Variants in BANK1 observed in about 807,000 individuals in gnomAD.
The protein encoded by BANK1 is B cell scaffold protein with ankyrin repeats 1, also known as B-cell scaffold protein with ankyrin repeats.
A neutral mutation model predicts 94.5 loss-of-function variants in BANK1; 95 were observed. The ratio of observed to expected loss-of-function variants is 1.00; its 90% confidence interval spans 0.85 to 1.19. The LOEUF (loss-of-function observed/expected upper bound fraction) is 1.19. Ranked by LOEUF, BANK1 falls within the 50% of genes most tolerant of loss-of-function variation. BANK1 has a pLI of 0.00. For synonymous variants in BANK1, 334 were observed against 308.4 expected (o/e 1.08, Z -0.87); for missense variants, 987 against 932.2 (o/e 1.06, Z -0.77).
At chr4:102,037,961 T>C (rs533889832) in intron 10 of BANK1, among the ~76,000 whole-genome samples, 1 of 152,308 alleles carries the variant, frequency 6.6e-6, no homozygotes, top group Non-Finnish European at 1.5e-5. Flanking sequence ...GCATGACTTT[T>C]TCAAAGTATT....
Position 101,986,819 on chromosome 4 carries a change from ATG to A in BANK1, c.1207-34691_1207-34690del, listed in dbSNP as rs1164994078. Among the ~76,000 whole-genome samples, 68 of 136,650 alleles carry A rather than the reference ATG, an allele frequency of 5.0e-4. No individual in the cohort carries two copies. The East Asian group carries it at 0.013, about 27-fold the overall frequency. 89.6% of individuals were successfully genotyped at this position (136,650 alleles called of 152,430 possible). ...TATATGTGTATATATATGTATATAT[ATG>A]TGTATATATATGTATATATATGTGT... On this transcript the variant is annotated intron_variant, in intron 7 of 16. Transcript: ENST00000322953.
At chr4:101,866,179 T>C (rs1375111339) in intron 4 of BANK1, among the ~76,000 whole-genome samples, 1 of 152,166 alleles carries the variant, frequency 6.6e-6, no homozygotes, top group Non-Finnish European at 1.5e-5. Flanking sequence ...CAGGAAATTC[T>C]AGAAATCAAA....
At position 101,976,104 on chromosome 4, in the gene BANK1, A is replaced by C. The variant is rs185995607; in HGVS notation, c.1207-45410A>C. Among the ~76,000 whole-genome samples the C allele has an allele frequency of 9.7e-4, 148 of 152,288 alleles. 1 individual carries two copies. The highest frequency in any genetic ancestry group is 3.4e-3 in the African/African-American group (140 of 41,588). ...AACTAGCGCTGAAAGGCATTTAAAG[A>C]AACATCTCAGGTTTCCAGTTTGTCC... On this transcript the variant is annotated intron_variant, in intron 7 of 16. Coordinates refer to ENST00000322953, the MANE Select transcript of BANK1 (RefSeq NM_017935.5).
chr4:102,034,645 GCTT>G (rs1402238045), intron 10 of BANK1, among the ~76,000 whole-genome samples: 1 of 152,146 alleles, frequency 6.6e-6, no homozygotes, highest in Non-Finnish European at 1.5e-5. Flanking sequence ...GAACAAGTTG[GCTT>G]AGTCATCTTC....
chr4:101,965,183 C>T (rs953546014), intron 7 of BANK1, among the ~76,000 whole-genome samples: 3 of 151,854 alleles, frequency 2.0e-5, no homozygotes, highest in African/African-American at 4.8e-5. Context: ...ATTCCTATGT[C>T]TAATATTTGA....
chr4:101,915,914 CAG>C (rs1722812963), intron 6 of BANK1, among the ~76,000 whole-genome samples: 1 of 151,954 alleles, frequency 6.6e-6, no homozygotes, highest in African/African-American at 2.4e-5. Flanking sequence ...GTTCTCCTGT[CAG>C]AGAGCAAAAG....
At chr4:101,924,137 T>C (rs1723083098) in intron 7 of BANK1, among the ~76,000 whole-genome samples, 1 of 151,782 alleles carries the variant, frequency 6.6e-6, no homozygotes, top group African/African-American at 2.4e-5. Context: ...ATTTCCCAAA[T>C]TAATTTTATG....
chr4:101,958,029 G>C (rs1292707461), intron 7 of BANK1, among the ~76,000 whole-genome samples: 3 of 146,010 alleles, frequency 2.1e-5, no homozygotes, highest in Non-Finnish European at 4.6e-5. Flanking sequence ...TGTATTTTTA[G>C]TAGAGACAGG....
chr4:102,054,947 CT>C (rs568576245), intron 11 of BANK1, among the ~76,000 whole-genome samples: 2 of 151,860 alleles, frequency 1.3e-5, no homozygotes, highest in Non-Finnish European at 2.9e-5. Flanking sequence ...CTTGCACCTG[CT>C]TTTTTTCAAT....
intron 6 of BANK1, among the ~76,000 whole-genome samples, chr4:101,906,887 C>G (rs1560626746): frequency 6.6e-6 from 1 of 152,130 alleles, no homozygotes; most frequent in South Asian, 2.1e-4. Flanking sequence ...GAGACCCTAA[C>G]CCAGTGGCAC....
At chr4:101,791,175 G>A (rs112014257) in intron 1 of BANK1, among the ~76,000 whole-genome samples, 4 of 148,302 alleles carry the variant, frequency 2.7e-5, no homozygotes, top group African/African-American at 9.7e-5. Flanking sequence ...CGCGCTGGGA[G>A]TTCTGGCCAG....
At chr4:101,822,764 C>T (rs997331639) in intron 1 of BANK1, among the ~76,000 whole-genome samples, 9 of 151,954 alleles carry the variant, frequency 5.9e-5, no homozygotes, top group Middle Eastern at 3.4e-3. Flanking sequence ...TACAGGTGTC[C>T]GCCACCACGC....
chr4:101,857,770 TA>T (rs1343228378), intron 3 of BANK1, among the ~76,000 whole-genome samples: 1 of 152,250 alleles, frequency 6.6e-6, no homozygotes, highest in Non-Finnish European at 1.5e-5. Flanking sequence ...GTAAGTTAAT[TA>T]TCTGTGTCTT....
chr4:101,888,447 A>G (rs921726240), intron 5 of BANK1, among the ~76,000 whole-genome samples: 15 of 152,290 alleles, frequency 9.8e-5, no homozygotes, highest in African/African-American at 3.6e-4. Flanking sequence ...AAACATCAGT[A>G]TAATGTTGGG....
chr4:101,906,195 G>A (rs1722442427), intron 6 of BANK1, among the ~76,000 whole-genome samples: 1 of 152,254 alleles, frequency 6.6e-6, no homozygotes, highest in South Asian at 2.1e-4. Context: ...CCAGTCAGTA[G>A]GAATCATCCA....
intron 5 of BANK1, among the ~76,000 whole-genome samples, chr4:101,886,561 G>A (rs573913517): frequency 6.6e-6 from 1 of 152,090 alleles, no homozygotes; most frequent in African/African-American, 2.4e-5. Context: ...TTAACAGTAC[G>A]TTGTTACAAA....
At chr4:101,957,086 G>A (rs1415891624) in intron 7 of BANK1, among the ~76,000 whole-genome samples, 1 of 152,086 alleles carries the variant, frequency 6.6e-6, no homozygotes, top group African/African-American at 2.4e-5. Context: ...TCAGTTATAA[G>A]CTTAATTTCA....
At chr4:102,001,524 C>T (rs1470773735) in intron 7 of BANK1, among the ~76,000 whole-genome samples, 5 of 152,226 alleles carry the variant, frequency 3.3e-5, no homozygotes, top group East Asian at 3.9e-4. Flanking sequence ...TGCTTGAACC[C>T]GGGAGGCGGA....
intron 13 of BANK1, among the ~76,000 whole-genome samples, chr4:102,066,775 T>C (rs1445857135): frequency 6.6e-6 from 1 of 152,170 alleles, no homozygotes; most frequent in African/African-American, 2.4e-5. Flanking sequence ...AATACTGAAA[T>C]TATACAAAGC....
Sources: gnomAD v4.1 joint callset for allele counts (sites outside exome capture counted in the v4.1 genomes callset) on GRCh38, gnomAD v4.1.1 for gene constraint, MANE v1.5 for transcripts, NCBI Gene and HGNC (gene_info 2026-07-23, HGNC 2026-07-21) for gene names.